RELN: variants seen among roughly 807,000 people sequenced by gnomAD.
The protein encoded by RELN is reelin.
A neutral mutation model predicts 427.6 loss-of-function variants in RELN; 108 were observed. The observed-to-expected ratio is 0.25, with a 90% CI of 0.22 to 0.30. The LOEUF (loss-of-function observed/expected upper bound fraction) is 0.30, where lower values mean the gene tolerates loss of function less well. Among genes scored for constraint, RELN ranks in the 10% least tolerant of loss-of-function variants. The pLI is 1.00. For synonymous variants in RELN, 1,524 were observed against 1,513.4 expected (o/e 1.01, Z -0.16); for missense variants, 3,715 against 4,302.8 (o/e 0.86, Z 3.82).
chr7:103,649,271 T>A (rs1355070913), intron 16 of RELN, among the ~76,000 whole-genome samples: 1 of 151,932 alleles, frequency 6.6e-6, no homozygotes, highest in East Asian at 1.9e-4. Context: ...AAGAATGAAA[T>A]CGTGTCTTTT....
At chr7:103,506,789 C>G (rs1208668108) in intron 51 of RELN, among the ~76,000 whole-genome samples, 1 of 152,158 alleles carries the variant, frequency 6.6e-6, no homozygotes, top group African/African-American at 2.4e-5. Context: ...AGTCAAGACC[C>G]ATCTCATGTG....
intron 22 of RELN, among the ~76,000 whole-genome samples, chr7:103,607,366 C>T (rs1456422496): frequency 1.3e-5 from 2 of 152,158 alleles, no homozygotes; most frequent in African/African-American, 4.8e-5. Context: ...GTTGTGTGAG[C>T]AATCTCCAGC....
At chr7:103,940,987 G>A (rs963978190) in intron 1 of RELN, among the ~76,000 whole-genome samples, 4 of 152,062 alleles carry the variant, frequency 2.6e-5, no homozygotes, top group African/African-American at 7.2e-5. Context: ...AATTCTAAAG[G>A]TCAAGAATGA....
intron 17 of RELN, among the ~76,000 whole-genome samples, chr7:103,637,483 A>G (rs893073626): frequency 1.3e-5 from 2 of 152,290 alleles, no homozygotes; most frequent in South Asian, 2.1e-4. Context: ...GAGTCCATGG[A>G]ATGTAAAAAT....
chr7:103,594,357 C>T lies in RELN; in HGVS notation c.3675G>A (p.Lys1225=), dbSNP rs1831489248. 6.2e-7 allele frequency: 1 copy of T among 1,613,986 alleles called. No individual in the cohort carries two copies. The highest frequency in any genetic ancestry group is 1.1e-5 in the South Asian group (1 of 91,088). The change falls in exon 26 of 65, where the codon AAG becomes AAA. Residue 1225 remains lysine, a synonymous_variant. Transcript: ENST00000428762. ...TTGGATTGATAACTGGGATGATCTG[C>T]TTCTGCTTCTCGGACAGAATGATGA... ...DDIIILSEKQ[K]QIIPVINPTL...
Position 103,988,622 on chromosome 7 carries a change from G to A in RELN, c.226+509C>T, listed in dbSNP as rs952562882. On this transcript the variant is annotated intron_variant, in intron 1 of 64. Coordinates refer to ENST00000428762, the MANE Select transcript of RELN (RefSeq NM_005045.4). This position sits in a 1 kb window ranked among gnomAD's most constrained non-coding sequence, Gnocchi z 4.9. ...GAAATGCCAGGGACTCCTGGCTGGT[G>A]AGCAGCGGGAACTTTGCGGTCGAGC... is the stretch of plus-strand genomic sequence containing the variant. Among the ~76,000 whole-genome samples, 4 of 152,172 alleles carry A rather than the reference G, an allele frequency of 2.6e-5. No individual in the cohort carries two copies. Among genetic ancestry groups the A allele is most frequent in the Non-Finnish European group, 5.9e-5 (4 of 68,034 alleles).
At chr7:103,910,314 T>G (rs1795335372) in intron 2 of RELN, among the ~76,000 whole-genome samples, 2 of 146,666 alleles carry the variant, frequency 1.4e-5, no homozygotes, top group Non-Finnish European at 3.0e-5. Flanking sequence ...GATTTTGGGC[T>G]GAGACAATGG....
At chr7:103,963,143 T>TTTTTTTTC (rs1328164446) in intron 1 of RELN, among the ~76,000 whole-genome samples, 31 of 151,032 alleles carry the variant, frequency 2.1e-4, no homozygotes, top group Admixed American at 5.3e-4. Flanking sequence ...TCTTTTTTTT[T>TTTTTTTTC]TCTCATTGGC....
intron 10 of RELN, among the ~76,000 whole-genome samples, chr7:103,688,642 TA>T (rs1461992717): frequency 4.6e-5 from 7 of 152,096 alleles, no homozygotes; most frequent in Non-Finnish European, 8.8e-5. Flanking sequence ...TAATTTGATA[TA>T]TTTTTTCTCC....
At chr7:103,930,017 A>AGGCCTCATATATT (rs1795826163) in intron 1 of RELN, among the ~76,000 whole-genome samples, 1 of 152,232 alleles carries the variant, frequency 6.6e-6, no homozygotes, top group Non-Finnish European at 1.5e-5. Flanking sequence ...CCTAAGGCAA[A>AGGCCTCATATATT]GGCCTCATAT....
chr7:103,805,074 GAA>G (rs57198861), intron 3 of RELN, among the ~76,000 whole-genome samples: 2 of 148,204 alleles, frequency 1.3e-5, no homozygotes, highest in East Asian at 4.0e-4. Flanking sequence ...AGGTTGAGTG[GAA>G]AAAAAAAACA....
chr7:103,557,901 T>C (rs779641056), intron 37 of RELN, 64 bp downstream of exon 37: 5 of 808,486 alleles, frequency 6.2e-6, no homozygotes, highest in African/African-American at 1.7e-5. Context: ...CCGTGATTTC[T>C]TTGTGGAAAA....
At chr7:103,963,482 T>G (rs1796602903) in intron 1 of RELN, among the ~76,000 whole-genome samples, 2 of 152,210 alleles carry the variant, frequency 1.3e-5, no homozygotes, top group African/African-American at 4.8e-5. Flanking sequence ...AAATAATTCT[T>G]GTGGATATGA....
intron 21 of RELN, among the ~76,000 whole-genome samples, chr7:103,611,191 T>A (rs1455910760): frequency 6.6e-6 from 1 of 152,190 alleles, no homozygotes; most frequent in African/African-American, 2.4e-5. Flanking sequence ...CATGTATGAA[T>A]TTTATTCCCA....
chr7:103,984,620 T>G (rs953170038), intron 1 of RELN, among the ~76,000 whole-genome samples: 1 of 152,124 alleles, frequency 6.6e-6, no homozygotes, highest in Non-Finnish European at 1.5e-5. Flanking sequence ...AAAATATGTA[T>G]GAAATAAATT....
chr7:103,890,908 T>C (rs147602635), intron 2 of RELN, among the ~76,000 whole-genome samples: 1,525 of 152,164 alleles, frequency 0.01, 25 homozygotes, highest in African/African-American at 0.034. Flanking sequence ...AAACCCCGTC[T>C]CTACTAAAAA....
At chr7:103,762,607 A>G (rs1791330464) in intron 4 of RELN, among the ~76,000 whole-genome samples, 2 of 152,326 alleles carry the variant, frequency 1.3e-5, no homozygotes, top group South Asian at 4.1e-4. Context: ...TGTCTCACAC[A>G]TGGCAGTTCC....
At chr7:103,511,442 A>AT (rs930920529) in intron 50 of RELN, among the ~76,000 whole-genome samples, 30 of 151,978 alleles carry the variant, frequency 2.0e-4, no homozygotes, top group African/African-American at 6.5e-4. Context: ...ATTTTATTTT[A>AT]TTTTTTTTAA....
At chr7:103,810,906 T>C (rs1168999325) in intron 3 of RELN, among the ~76,000 whole-genome samples, 1 of 152,212 alleles carries the variant, frequency 6.6e-6, no homozygotes, top group Non-Finnish European at 1.5e-5. Flanking sequence ...CCTTGCTGCA[T>C]ATTAAGCTGT....
Sources: gnomAD v4.1 joint callset for allele counts (sites outside exome capture counted in the v4.1 genomes callset) on GRCh38, gnomAD v4.1.1 for gene constraint, Gnocchi (gnomAD v3.1) non-coding constraint, MANE v1.5 for transcripts, NCBI Gene and HGNC (gene_info 2026-07-23, HGNC 2026-07-21) for gene names.